PTPN14: variants seen among roughly 807,000 people sequenced by gnomAD.
The protein encoded by PTPN14 is tyrosine-protein phosphatase non-receptor type 14.
A neutral mutation model predicts 126.8 loss-of-function variants in PTPN14; 53 were observed. The observed-to-expected ratio is 0.42, with a 90% CI of 0.34 to 0.53. The LOEUF (loss-of-function observed/expected upper bound fraction) is 0.53, where lower values mean the gene tolerates loss of function less well. PTPN14 is among the 20% of genes least tolerant of loss of function. The pLI is 0.08. For missense variants in PTPN14, 1,257 were observed against 1,552.9 expected (o/e 0.81, Z 3.20); for synonymous variants, 630 against 599.3 (o/e 1.05, Z -0.75).
intron 2 of PTPN14, among the ~76,000 whole-genome samples, chr1:214,462,659 C>G (rs1051137147): frequency 6.6e-6 from 1 of 152,200 alleles, no homozygotes; most frequent in Non-Finnish European, 1.5e-5. Flanking sequence ...GGACAGCCAT[C>G]GCCTTTTGGG....
intron 1 of PTPN14, chr1:214,528,627 A>T (rs1655459608): frequency 6.6e-6 from 1 of 152,192 alleles, no homozygotes; most frequent in Admixed American, 6.6e-5. Flanking sequence ...TTCTTGAGAT[A>T]CTTTAAGAAC....
At chr1:214,444,660 T>C (rs1660104776) in intron 3 of PTPN14, among the ~76,000 whole-genome samples, 2 of 152,114 alleles carry the variant, frequency 1.3e-5, no homozygotes, top group Admixed American at 6.6e-5. Flanking sequence ...TTGGTATTTA[T>C]AAGAAAGAAA....
intron 3 of PTPN14, among the ~76,000 whole-genome samples, chr1:214,438,852 C>T (rs981966320): frequency 1.6e-4 from 25 of 152,226 alleles, no homozygotes; most frequent in African/African-American, 5.8e-4. Context: ...TTAAAAAAAA[C>T]AAATATTATT....
Position 214,358,079 on chromosome 1 carries a change from C to T in PTPN14, c.3436-29G>A, listed in dbSNP as rs769199271. On this transcript the variant is annotated intron_variant, in intron 18 of 18. Transcript: ENST00000366956. The stretch of plus-strand genomic sequence containing the variant: ...CAAGAAAAGAGAGAAAGCACAAGGT[C>T]CTGAGACAGGAGGCTTCCCTTTGAG... The T allele has an allele frequency of 5.6e-6, 9 of 1,609,502 alleles. No homozygotes were observed. In the Admixed American group the frequency reaches 1.5e-4, roughly 27 times the overall value.
Position 214,352,229 on chromosome 1 carries a change from C to G in PTPN14, c.*5693G>C, listed in dbSNP as rs1657721031. On this transcript the variant is annotated 3_prime_UTR_variant, in exon 19 of 19. Transcript: ENST00000366956. ...CTATGAAATTGATGGATGCCAGACACTCAATGCTAGGCTCATGGACATTTT... is the reference window on the plus strand; with the variant it reads ...CTATGAAATTGATGGATGCCAGACAGTCAATGCTAGGCTCATGGACATTTT... 1 of 152,220 alleles carries G rather than the reference C, an allele frequency of 6.6e-6. No individual in the cohort carries two copies. Among genetic ancestry groups the G allele is most frequent in the African/African-American group, 2.4e-5 (1 of 41,436 alleles). The allele number at this position is 152,220 out of a possible 1,614,324, so 9.4% of individuals were successfully genotyped here.
rs578191334 is a variant in PTPN14, at chr1:214,362,302, G to GA, written c.3435+2209dup. Among the ~76,000 whole-genome samples, 202 of 152,314 alleles carry GA rather than the reference G, an allele frequency of 1.3e-3. 1 individual carries two copies. Among genetic ancestry groups the GA allele is most frequent in the African/African-American group, 4.7e-3 (194 of 41,572 alleles). ...ATATTTGTGCTAGGGGAAGAGAAGT[G>GA]AAAAATATGAGTCATCTTGCTATCT... is the stretch of plus-strand genomic sequence containing the variant. On this transcript the variant is annotated intron_variant, in intron 18 of 18. Coordinates refer to ENST00000366956, the MANE Select transcript of PTPN14 (RefSeq NM_005401.5).
chr1:214,457,333 T>G (rs143006941), intron 2 of PTPN14, among the ~76,000 whole-genome samples: 1 of 152,232 alleles, frequency 6.6e-6, no homozygotes, highest in African/African-American at 2.4e-5. Context: ...AAAGCTTTTT[T>G]ACACTCTTTT....
At chr1:214,374,139 A>G (rs1174527477) in intron 15 of PTPN14, among the ~76,000 whole-genome samples, 1 of 152,200 alleles carries the variant, frequency 6.6e-6, no homozygotes, top group African/African-American at 2.4e-5. Flanking sequence ...TCCCTTCTAC[A>G]TCTATACAAT....
rs1316554060 is a variant in PTPN14, at chr1:214,451,804, C to G, written c.344+1G>C. 1 of 1,613,820 alleles carries G rather than the reference C, an allele frequency of 6.2e-7. No homozygotes were observed. On this transcript the variant is annotated splice_donor_variant, in intron 3 of 18. Coordinates refer to ENST00000366956, the MANE Select transcript of PTPN14 (RefSeq NM_005401.5). LOFTEE classifies it high-confidence loss of function. Reference sequence around the variant, plus strand: ...GGCACACAGGGGGAAAATGCACCTACCTTGTGGCCTCTTGCTGAAGCCATG... The same window carrying G: ...GGCACACAGGGGGAAAATGCACCTAGCTTGTGGCCTCTTGCTGAAGCCATG...
At chr1:214,548,723 A>C (rs1026200596) in intron 1 of PTPN14, among the ~76,000 whole-genome samples, 1 of 152,164 alleles carries the variant, frequency 6.6e-6, no homozygotes, top group African/African-American at 2.4e-5. Flanking sequence ...ATAAGGAAGG[A>C]AGGCACTGGA....
intron 18 of PTPN14, among the ~76,000 whole-genome samples, chr1:214,362,320 T>C (rs1657975242): frequency 6.6e-6 from 1 of 152,244 alleles, no homozygotes; most frequent in Non-Finnish European, 1.5e-5. Flanking sequence ...TGAGTCATCT[T>C]GCTATCTTTG....
rs1339274050 is a variant in PTPN14 at position 214,483,113 on chromosome 1, A to T, written c.-154-18156T>A. The stretch of plus-strand genomic sequence containing the variant: ...ACATTTGTCTAATGTTTCCACAAAT[A>T]CTTGAATGACATCTAAAATGCCAAG... On this transcript the variant is annotated intron_variant, in intron 1 of 18. Coordinates refer to ENST00000366956, the MANE Select transcript of PTPN14 (RefSeq NM_005401.5). 9 of 1,611,110 alleles carry T rather than the reference A, an allele frequency of 5.6e-6. No individual in the cohort carries two copies. The Admixed American group carries it at 1.2e-4, about 21-fold the overall frequency.
intron 1 of PTPN14, among the ~76,000 whole-genome samples, chr1:214,490,431 T>C (rs2102416396): frequency 6.6e-6 from 1 of 152,316 alleles, no homozygotes; most frequent in East Asian, 1.9e-4. Flanking sequence ...TATTGTTTCA[T>C]GTCATATTCA....
intron 1 of PTPN14, among the ~76,000 whole-genome samples, chr1:214,515,481 C>G (rs1327798777): frequency 6.6e-6 from 1 of 151,334 alleles, no homozygotes; most frequent in African/African-American, 2.4e-5. Context: ...GGATCAGCTT[C>G]TCTATTTAAG....
intron 4 of PTPN14, among the ~76,000 whole-genome samples, chr1:214,414,339 C>T (rs1424099293): frequency 6.6e-6 from 1 of 152,150 alleles, no homozygotes; most frequent in Non-Finnish European, 1.5e-5. Context: ...GAAAATGTTC[C>T]ACAAACCCTG....
At chr1:214,507,717 CA>C (rs1654876166) in intron 1 of PTPN14, among the ~76,000 whole-genome samples, 1 of 152,150 alleles carries the variant, frequency 6.6e-6, no homozygotes, top group South Asian at 2.1e-4. Context: ...AAACGAATCT[CA>C]CAATAAAGCA....
intron 1 of PTPN14, among the ~76,000 whole-genome samples, chr1:214,474,743 G>A (rs950638127): frequency 1.5e-4 from 23 of 152,150 alleles, no homozygotes; most frequent in African/African-American, 5.6e-4. Flanking sequence ...ATAAGGGGGT[G>A]GCTTCAGCAG....
At chr1:214,474,847 T>C (rs1328521183) in intron 1 of PTPN14, among the ~76,000 whole-genome samples, 16 of 152,212 alleles carry the variant, frequency 1.1e-4, no homozygotes, top group Admixed American at 1.0e-3. Context: ...AGGATTACTG[T>C]CTTGAGATTT....
intron 12 of PTPN14, 80 bp downstream of exon 12, chr1:214,386,764 C>CT (rs1393058636): frequency 1.9e-4 from 254 of 1,348,092 alleles, no homozygotes; most frequent in Admixed American, 2.4e-4. Context: ...TCCCTGTCAT[C>CT]TTTTTTTTAA....
Sources: allele counts gnomAD v4.1 joint callset (sites outside exome capture counted in the v4.1 genomes callset), GRCh38; gene constraint gnomAD v4.1.1; transcripts MANE v1.5; gene names NCBI Gene and HGNC (gene_info 2026-07-23, HGNC 2026-07-21).